The following DNAAF6 variants were observed in gnomAD, a reference collection of about 807,000 sequenced individuals.
DNAAF6 encodes the protein dynein axonemal assembly factor 6.
DNAAF6 carries 3 observed loss-of-function variants against 13.7 expected under a neutral mutation model. The observed-to-expected ratio is 0.22, with a 90% CI of 0.10 to 0.56. The LOEUF is 0.56. Among genes scored for constraint, DNAAF6 ranks in the 20% least tolerant of loss-of-function variants. The pLI is 0.92. For synonymous variants in DNAAF6, 54 were observed against 49.2 expected (o/e 1.10, Z -0.41); for missense variants, 130 against 151.0 (o/e 0.86, Z 0.73).
At chrX:107,238,494 A>G (rs1441047205) in intron 5 of DNAAF6, among the ~76,000 whole-genome samples, 1 of 111,938 alleles carries the variant, frequency 8.9e-6, no homozygotes, top group East Asian at 2.8e-4. Flanking sequence ...AATTTATGCC[A>G]GAAGACTATT....
intron 5 of DNAAF6, among the ~76,000 whole-genome samples, chrX:107,234,379 G>T (rs1249567791): frequency 1.8e-5 from 2 of 111,720 alleles, no homozygotes; most frequent in Middle Eastern, 4.6e-3. Context: ...TTCTTCATGA[G>T]AGTTTTTATA....
At chrX:107,235,365 C>T (rs1928489961) in intron 5 of DNAAF6, among the ~76,000 whole-genome samples, 1 of 111,489 alleles carries the variant, frequency 9.0e-6, no homozygotes, top group South Asian at 3.9e-4. Flanking sequence ...TTTGTGTAGC[C>T]CCCTCCCACA....
intron 5 of DNAAF6, among the ~76,000 whole-genome samples, chrX:107,227,883 T>A (rs1489064143): frequency 9.2e-6 from 1 of 108,786 alleles, no homozygotes; most frequent in African/African-American, 3.3e-5. Context: ...AGAGAGAGAG[T>A]GTGTGTGTGT....
Position 107,243,120 on chromosome X carries a change from G to C in DNAAF6, c.516-49G>C, listed in dbSNP as rs2147839994. ...TGTTTGCAATTGTCTTATTGAAAGTGATACATCATTTTAGGAAGCTAAGGT... is the reference window on the plus strand; with the variant it reads ...TGTTTGCAATTGTCTTATTGAAAGTCATACATCATTTTAGGAAGCTAAGGT... On this transcript the variant is annotated intron_variant, in intron 6 of 6. Coordinates refer to ENST00000372453, the MANE Select transcript of DNAAF6 (RefSeq NM_173494.2). 3 of 1,169,176 alleles carry C rather than the reference G, an allele frequency of 2.6e-6. No homozygotes were observed. The East Asian group carries it at 9.1e-5, about 36-fold the overall frequency.
chrX:107,230,953 C>A (rs1028935506), intron 5 of DNAAF6, among the ~76,000 whole-genome samples: 11 of 111,864 alleles, frequency 9.8e-5, no homozygotes, highest in African/African-American at 3.2e-4. Context: ...CCTAGTCCCT[C>A]AGATAATGAA....
chrX:107,234,183 C>T (rs1928469719), intron 5 of DNAAF6, among the ~76,000 whole-genome samples: 1 of 111,833 alleles, frequency 8.9e-6, no homozygotes, highest in Non-Finnish European at 1.9e-5. Context: ...TAGTACTGGA[C>T]TGTTTAAAAA....
At chrX:107,212,261 G>A (rs1927873790) in intron 1 of DNAAF6, among the ~76,000 whole-genome samples, 1 of 110,628 alleles carries the variant, frequency 9.0e-6, no homozygotes, top group Non-Finnish European at 1.9e-5. Flanking sequence ...TAGGTGACAC[G>A]AGAAAGCCAC....
intron 5 of DNAAF6, among the ~76,000 whole-genome samples, chrX:107,231,260 T>C (rs1282652429): frequency 9.0e-6 from 1 of 111,723 alleles, no homozygotes; most frequent in African/African-American, 3.3e-5. Flanking sequence ...TTGTGGGATC[T>C]AAAAATCAAA....
chrX:107,216,830 G>T (rs1014654183), intron 3 of DNAAF6, 87 bp downstream of exon 3: 6 of 597,100 alleles, frequency 1.0e-5, no homozygotes, highest in South Asian at 5.0e-5. Context: ...ACTAATACTA[G>T]TATTTATTAA....
intron 2 of DNAAF6, among the ~76,000 whole-genome samples, chrX:107,214,935 T>C (rs751447564): frequency 2.4e-4 from 27 of 111,341 alleles, no homozygotes; most frequent in Non-Finnish European, 4.7e-4. Context: ...AGAGAGTGTG[T>C]CTGTCATTTT....
At chrX:107,209,730 A>G (rs1391993659) in intron 1 of DNAAF6, among the ~76,000 whole-genome samples, 1 of 112,222 alleles carries the variant, frequency 8.9e-6, no homozygotes, top group Non-Finnish European at 1.9e-5. Context: ...CACTGCGCCC[A>G]GCCCTGCTTG....
At chrX:107,207,042 C>T (rs1180273792) in intron 1 of DNAAF6, 2 of 111,781 alleles carry the variant, frequency 1.8e-5, no homozygotes, top group South Asian at 3.8e-4. Context: ...TTCTCCCTTC[C>T]CATTAATAAT....
At chrX:107,216,631 G>A (rs1010357772) in intron 2 of DNAAF6, 40 bp from the exon 3 acceptor site, 2 of 984,777 alleles carry the variant, frequency 2.0e-6, no homozygotes, top group Non-Finnish European at 2.8e-6. Flanking sequence ...GGTTATACAA[G>A]TATTAATTAC....
At chrX:107,233,691 G>GA (rs200707943) in intron 5 of DNAAF6, among the ~76,000 whole-genome samples, 1,143 of 107,982 alleles carry the variant, frequency 0.011, 17 homozygotes, top group African/African-American at 0.035. Context: ...AAATAGGAGA[G>GA]AAAAAAAAAC....
At chrX:107,220,046 G>A (rs1439931350) in intron 4 of DNAAF6, among the ~76,000 whole-genome samples, 2 of 111,491 alleles carry the variant, frequency 1.8e-5, no homozygotes, top group East Asian at 2.8e-4. Context: ...CAATCCGCCC[G>A]CCTCAGCCTC....
At chrX:107,235,313 C>A (rs1230250669) in intron 5 of DNAAF6, among the ~76,000 whole-genome samples, 1 of 111,644 alleles carries the variant, frequency 9.0e-6, no homozygotes, top group Non-Finnish European at 1.9e-5. Context: ...AACCAGCTTC[C>A]AGCATGGCAC....
At chrX:107,208,451 A>G (rs181721982) in intron 1 of DNAAF6, among the ~76,000 whole-genome samples, 1 of 110,001 alleles carries the variant, frequency 9.1e-6, no homozygotes, top group Non-Finnish European at 1.9e-5. Flanking sequence ...AAACAAAAAA[A>G]CCCCTCCATT....
At chrX:107,242,847 T>G (rs979597301) in intron 6 of DNAAF6, among the ~76,000 whole-genome samples, 1 of 111,894 alleles carries the variant, frequency 8.9e-6, no homozygotes, top group African/African-American at 3.2e-5. Context: ...TAAGTATGAG[T>G]GGCAACAGAT....
intron 1 of DNAAF6, among the ~76,000 whole-genome samples, chrX:107,207,800 C>T (rs1927745830): frequency 9.1e-6 from 1 of 110,479 alleles, no homozygotes; most frequent in South Asian, 3.9e-4. Flanking sequence ...GGTGTGTTGG[C>T]GCCTGCCTGT....
Sources: gnomAD v4.1 joint callset for allele counts (sites outside exome capture counted in the v4.1 genomes callset) on GRCh38, gnomAD v4.1.1 for gene constraint, MANE v1.5 for transcripts, NCBI Gene and HGNC (gene_info 2026-07-23, HGNC 2026-07-21) for gene names.